E2F3: variants seen among roughly 807,000 people sequenced by gnomAD.
E2F3 encodes the protein transcription factor E2F3.
E2F3 carries 11 observed loss-of-function variants against 44.4 expected under a neutral mutation model. The observed-to-expected ratio is 0.25, with a 90% CI of 0.16 to 0.41. E2F3 has a LOEUF of 0.41. Ranked by LOEUF, E2F3 falls within the 10% of genes least tolerant of loss-of-function variation. The probability of loss-of-function intolerance (pLI) is 1.00; values close to 1 mark genes in which losing one functional copy is unlikely to be tolerated. For synonymous variants in E2F3, 249 were observed against 253.0 expected, an observed-to-expected ratio of 0.98 and a Z score of 0.15; for missense variants, 487 against 583.6, an observed-to-expected ratio of 0.83 and a Z score of 1.70.
intron 1 of E2F3, among the ~76,000 whole-genome samples, chr6:20,429,063 G>A (rs879052018): frequency 1.3e-5 from 2 of 152,260 alleles, no homozygotes; most frequent in South Asian, 2.1e-4. Flanking sequence ...CATCTAGTGC[G>A]TAGAGGCCAG....
intron 1 of E2F3, among the ~76,000 whole-genome samples, chr6:20,424,787 T>C (rs1760157233): frequency 6.6e-6 from 1 of 152,142 alleles, no homozygotes; most frequent in Admixed American, 6.5e-5. Context: ...ACAACAAACC[T>C]TGAGAGTTGG....
chr6:20,406,107 G>T (rs1759487237), intron 1 of E2F3, among the ~76,000 whole-genome samples: 2 of 152,136 alleles, frequency 1.3e-5, no homozygotes, highest in Non-Finnish European at 2.9e-5. Flanking sequence ...AGACCTATCT[G>T]GTTCTGATCC....
intron 1 of E2F3, among the ~76,000 whole-genome samples, chr6:20,478,824 G>A (rs769115688): frequency 3.9e-5 from 6 of 152,040 alleles, no homozygotes; most frequent in Non-Finnish European, 8.8e-5. Context: ...AAAAGAAACT[G>A]CAAATCTCCT....
intron 1 of E2F3, among the ~76,000 whole-genome samples, chr6:20,424,450 CTG>C (rs1760143585): frequency 6.6e-6 from 1 of 151,492 alleles, no homozygotes; most frequent in South Asian, 2.1e-4. Flanking sequence ...GCATGTGTGT[CTG>C]TGTTGTTCTG....
At chr6:20,407,553 C>T (rs188538481) in intron 1 of E2F3, among the ~76,000 whole-genome samples, 43 of 152,262 alleles carry the variant, frequency 2.8e-4, no homozygotes, top group Middle Eastern at 3.4e-3. Flanking sequence ...GATTGACAGA[C>T]GGGGTGAAAG....
At chr6:20,447,413 AC>A in intron 1 of E2F3, among the ~76,000 whole-genome samples, 1 of 105,028 alleles carries the variant, frequency 9.5e-6, no homozygotes, top group East Asian at 3.2e-4. Context: ...CAGACAACCC[AC>A]CCCCACCCCT....
chr6:20,425,257 C>A (rs1361305667), intron 1 of E2F3, among the ~76,000 whole-genome samples: 1 of 152,038 alleles, frequency 6.6e-6, no homozygotes, highest in East Asian at 1.9e-4. Context: ...ACACTGTAAC[C>A]CTTCCTCGGC....
At chr6:20,481,587 A>G (rs1762226066) in intron 3 of E2F3, among the ~76,000 whole-genome samples, 162 bp downstream of exon 3, 1 of 152,084 alleles carries the variant, frequency 6.6e-6, no homozygotes, top group South Asian at 2.1e-4. Flanking sequence ...CTTCTAAGCC[A>G]GAAGTTTGAA....
Position 20,402,558 on chromosome 6 carries a change from G to C in E2F3, c.326G>C (p.Arg109Thr). 6.4e-7 allele frequency: 1 copy of C among 1,560,346 alleles called. No homozygotes were observed. The highest frequency in any genetic ancestry group is 1.1e-5 in the South Asian group (1 of 87,250). Residue 109 changes from arginine (R) to threonine (T), a missense_variant, in exon 1 of 7, where the codon AGA (arginine) becomes ACA (threonine). Physicochemically the swap from Arg to Thr is moderately conservative, Grantham distance 71. Around this residue, in one of 3 missense-constraint regions of E2F3, gnomAD observed 238 missense variants for 236.0 expected, o/e 1.01. Transcript: ENST00000346618. The surrounding 1 kb of genome is among the most constrained non-coding windows in gnomAD (Gnocchi z 5.6). ...LYTTPHGPSS[R>T]AGLLQQPPAL... ...ACCACGCCGCACGGACCCTCCAGCA[G>C]AGCCGGGCTGCTGCAGCAGCCACCA...
rs574926976 is a variant in E2F3 at position 20,455,362 on chromosome 6, T to C, written c.394-24484T>C. ...TGCCAGGGAGGTCAGGACTGGACTTTCCCACTTGGCTCTGTTTTGATGCAT... is the reference window on the plus strand; with the variant it reads ...TGCCAGGGAGGTCAGGACTGGACTTCCCCACTTGGCTCTGTTTTGATGCAT... On this transcript the variant is annotated intron_variant, in intron 1 of 6. Transcript: ENST00000346618. 9.8e-5 allele frequency among the ~76,000 whole-genome samples: 15 copies of C among 152,328 alleles called. No homozygotes were observed. In the South Asian group the frequency reaches 3.1e-3, roughly 32 times the overall value.
chr6:20,463,311 G>A (rs1168606714), intron 1 of E2F3, among the ~76,000 whole-genome samples: 1 of 152,296 alleles, frequency 6.6e-6, no homozygotes, highest in African/African-American at 2.4e-5. Flanking sequence ...TGCTTTGGGA[G>A]GCTGAGGTAG....
At chr6:20,458,945 A>G (rs1761404749) in intron 1 of E2F3, among the ~76,000 whole-genome samples, 1 of 43,100 alleles carries the variant, frequency 2.3e-5, no homozygotes, top group South Asian at 8.8e-4. Context: ...CAGATTTTCC[A>G]CAGTTGTTTT....
chr6:20,424,383 A>ATGTGTG (rs57510288), intron 1 of E2F3, among the ~76,000 whole-genome samples: 2 of 146,938 alleles, frequency 1.4e-5, no homozygotes, highest in Non-Finnish European at 3.0e-5. Context: ...GAGTGTGTGT[A>ATGTGTG]TGTGTGTGTG....
chr6:20,463,037 A>C (rs1207821506), intron 1 of E2F3, among the ~76,000 whole-genome samples: 2 of 149,966 alleles, frequency 1.3e-5, no homozygotes, highest in East Asian at 3.9e-4. Flanking sequence ...TGATCCTCCC[A>C]CTTTAACCTC....
intron 1 of E2F3, among the ~76,000 whole-genome samples, chr6:20,459,148 T>C (rs1382468737): frequency 6.6e-6 from 1 of 152,200 alleles, no homozygotes; most frequent in Non-Finnish European, 1.5e-5. Flanking sequence ...GGCCGACACC[T>C]GTAATCCCAG....
intron 5 of E2F3, among the ~76,000 whole-genome samples, 166 bp downstream of exon 5, chr6:20,486,969 T>G (rs1762414001): frequency 6.6e-6 from 1 of 152,252 alleles, no homozygotes; most frequent in African/African-American, 2.4e-5. Flanking sequence ...AATGGTTTGA[T>G]GTTCATTGAG....
chr6:20,463,955 G>T (rs1761615801), intron 1 of E2F3, among the ~76,000 whole-genome samples: 1 of 152,130 alleles, frequency 6.6e-6, no homozygotes, highest in Non-Finnish European at 1.5e-5. Flanking sequence ...TGATTAATTT[G>T]CCAGAGCAGG....
intron 1 of E2F3, among the ~76,000 whole-genome samples, chr6:20,426,425 T>A (rs777659734): frequency 2.4e-4 from 36 of 152,256 alleles, no homozygotes; most frequent in African/African-American, 2.7e-4. Context: ...ATTGCACTCT[T>A]AATTTTGTGA....
chr6:20,457,915 T>G (rs1761368758), intron 1 of E2F3, among the ~76,000 whole-genome samples: 1 of 152,236 alleles, frequency 6.6e-6, no homozygotes, highest in Non-Finnish European at 1.5e-5. Flanking sequence ...AATTCAGTAT[T>G]ATCAAGTTTG....
Sources: allele counts gnomAD v4.1 joint callset (sites outside exome capture counted in the v4.1 genomes callset), GRCh38; gene constraint gnomAD v4.1.1; regional missense constraint gnomAD v4.1.1; non-coding constraint Gnocchi (gnomAD v3.1); transcripts MANE v1.5; gene names NCBI Gene and HGNC (gene_info 2026-07-23, HGNC 2026-07-21).